Variants in TFDP2 observed in about 807,000 individuals in gnomAD.
TFDP2 encodes transcription factor Dp-2 (E2F dimerization partner 2).
In TFDP2, 17 loss-of-function variants were observed where a neutral mutation model predicts 59.3. That is an observed-to-expected ratio of 0.29 (90% CI 0.20 to 0.43). TFDP2 has a LOEUF of 0.43. Ranked by LOEUF, TFDP2 falls within the 20% of genes least tolerant of loss-of-function variation. The probability of loss-of-function intolerance (pLI) is 1.00; values close to 1 mark genes in which losing one functional copy is unlikely to be tolerated. For synonymous variants in TFDP2, 180 were observed against 194.7 expected (o/e 0.92, Z 0.63); for missense variants, 391 against 528.8 (o/e 0.74, Z 2.56).
At chr3:142,016,456 A>C (rs912830490) in intron 3 of TFDP2, among the ~76,000 whole-genome samples, 1 of 151,164 alleles carries the variant, frequency 6.6e-6, no homozygotes, top group Non-Finnish European at 1.5e-5. Context: ...CCACCAGCAC[A>C]CCTGGCTAAT....
At chr3:142,053,277 T>A (rs945239156) in intron 3 of TFDP2, among the ~76,000 whole-genome samples, 1 of 152,050 alleles carries the variant, frequency 6.6e-6, no homozygotes, top group African/African-American at 2.4e-5. Flanking sequence ...TGGGGGAGGA[T>A]CCCTCATGAA....
intron 6 of TFDP2, among the ~76,000 whole-genome samples, chr3:141,988,669 CTT>C (rs540352017): frequency 0.077 from 9,642 of 125,404 alleles, 254 homozygotes; most frequent in Middle Eastern, 0.12. Flanking sequence ...CTTTTCTTTT[CTT>C]TTTTTTTTTT....
chr3:141,959,673 C>G lies in TFDP2; in HGVS notation c.1051+1G>C. 2 of 1,613,816 alleles carry G rather than the reference C, an allele frequency of 1.2e-6. No homozygotes were observed. Among genetic ancestry groups the G allele is most frequent in the Non-Finnish European group, 1.7e-6 (2 of 1,179,822 alleles). On this transcript the variant is annotated splice_donor_variant, in intron 11 of 12. Transcript: ENST00000489671. LOFTEE classifies it high-confidence loss of function. The stretch of plus-strand genomic sequence containing the variant: ...ACACATGAAAGCATCAGTTAACATA[C>G]CTGTGATATAACCTTCTAAAGCCTT...
intron 1 of TFDP2, among the ~76,000 whole-genome samples, chr3:142,136,254 TTTC>T (rs776445272): frequency 8.5e-5 from 13 of 152,178 alleles, no homozygotes; most frequent in Non-Finnish European, 1.3e-4. Context: ...AGGATCTTTT[TTTC>T]TTCTTGTAAA....
At chr3:142,104,847 GA>G in intron 1 of TFDP2, among the ~76,000 whole-genome samples, 1 of 152,030 alleles carries the variant, frequency 6.6e-6, no homozygotes, top group East Asian at 1.9e-4. Flanking sequence ...TAATGAAATA[GA>G]AAAAAAATCA....
At chr3:142,143,896 G>A (rs1937627632) in intron 1 of TFDP2, among the ~76,000 whole-genome samples, 1 of 152,098 alleles carries the variant, frequency 6.6e-6, no homozygotes, top group South Asian at 2.1e-4. Context: ...CAATCCCACT[G>A]CTGGGTATAT....
At chr3:142,002,026 G>A (rs559404350) in intron 4 of TFDP2, among the ~76,000 whole-genome samples, 11 of 138,738 alleles carry the variant, frequency 7.9e-5, no homozygotes, top group South Asian at 2.2e-4. Context: ...ACAAAGTCTC[G>A]CTCTGTTGCC....
chr3:142,076,143 A>G (rs1215822944), intron 3 of TFDP2, among the ~76,000 whole-genome samples: 1 of 150,998 alleles, frequency 6.6e-6, no homozygotes, highest in Admixed American at 6.6e-5. Flanking sequence ...CCCAGGAGGC[A>G]GAGGTTGCAG....
chr3:142,070,472 T>C (rs1458734758), intron 3 of TFDP2, among the ~76,000 whole-genome samples: 1 of 152,112 alleles, frequency 6.6e-6, no homozygotes, highest in Non-Finnish European at 1.5e-5. Flanking sequence ...GTAGAGGCAA[T>C]GCCTCCCTGT....
intron 3 of TFDP2, among the ~76,000 whole-genome samples, chr3:142,046,841 CAG>C (rs1287881219): frequency 2.6e-5 from 4 of 152,000 alleles, no homozygotes; most frequent in African/African-American, 9.7e-5. Flanking sequence ...AAGCATAAGA[CAG>C]AAAATTAAGT....
Position 141,969,191 on chromosome 3 carries a change from G to GAT in TFDP2, c.732+880_732+881dup, listed in dbSNP as rs768670975. On this transcript the variant is annotated intron_variant, in intron 9 of 12. Coordinates refer to ENST00000489671, the MANE Select transcript of TFDP2 (RefSeq NM_001178139.2). ...ATATATATATATCTCATATATATGAGATATATATATATAACATATATATAT... is the reference window on the plus strand; with the variant it reads ...ATATATATATATCTCATATATATGAGATATATATATATATAACATATATATAT... Among the ~76,000 whole-genome samples the GAT allele has an allele frequency of 2.1e-3, 159 of 74,648 alleles. 14 individuals carry two copies. Among genetic ancestry groups the GAT allele is most frequent in the African/African-American group, 3.5e-3 (54 of 15,306 alleles). The allele number at this position is 74,648 out of a possible 152,430, so 49.0% of individuals were successfully genotyped here. A position where few individuals can be genotyped will look rare whatever the true frequency, so the allele number is the denominator to read the frequency against.
chr3:142,044,954 A>G (rs1256268434), intron 3 of TFDP2, among the ~76,000 whole-genome samples: 2 of 152,282 alleles, frequency 1.3e-5, no homozygotes, highest in Admixed American at 1.3e-4. Context: ...TATTATTATT[A>G]TAATTGCTGA....
intron 3 of TFDP2, among the ~76,000 whole-genome samples, chr3:142,053,259 T>C (rs1912719): frequency 0.5 from 75,707 of 151,872 alleles, 20,548 homozygotes; most frequent in South Asian, 0.75. Flanking sequence ...ATGGGGGTGT[T>C]TGGGTCATGG....
intron 3 of TFDP2, among the ~76,000 whole-genome samples, chr3:142,082,504 C>T (rs1166443618): frequency 6.6e-6 from 1 of 152,064 alleles, no homozygotes; most frequent in Non-Finnish European, 1.5e-5. Flanking sequence ...GAGATGAATA[C>T]TTCCAAATTC....
intron 3 of TFDP2, among the ~76,000 whole-genome samples, chr3:142,024,912 C>T (rs1284295986): frequency 6.6e-6 from 1 of 151,608 alleles, no homozygotes; most frequent in East Asian, 1.9e-4. Flanking sequence ...CTCAGCTACT[C>T]GGGAGGCTGA....
In TFDP2 at chr3:142,132,312, A is replaced by AT. The variant is rs1417215843; in HGVS notation, c.-93+16870dup. Among the ~76,000 whole-genome samples, 2 of 150,148 alleles carry AT rather than the reference A, an allele frequency of 1.3e-5. 1 individual carries two copies. The highest frequency in any genetic ancestry group is 5.0e-5 in the African/African-American group (2 of 39,632). On this transcript the variant is annotated intron_variant, in intron 1 of 12. Transcript: ENST00000489671. ...TTTCCAAGGCTGGGAAGAGAAGGGG[A>AT]TGGGAAGTAACTGCTAATGAGTATG... is the stretch of plus-strand genomic sequence containing the variant.
intron 8 of TFDP2, among the ~76,000 whole-genome samples, 164 bp from the exon 9 acceptor site, chr3:141,970,305 G>C (rs1939520138): frequency 6.6e-6 from 1 of 152,122 alleles, no homozygotes; most frequent in African/African-American, 2.4e-5. Flanking sequence ...GCAGGGGCTG[G>C]AGTGAACAAG....
At chr3:142,063,658 CAG>C (rs1183525342) in intron 3 of TFDP2, among the ~76,000 whole-genome samples, 1 of 152,154 alleles carries the variant, frequency 6.6e-6, no homozygotes, top group African/African-American at 2.4e-5. Flanking sequence ...AGCATAAAAA[CAG>C]AGGGTTGAAA....
At chr3:142,106,962 A>T (rs2061492110) in intron 1 of TFDP2, among the ~76,000 whole-genome samples, 1 of 152,222 alleles carries the variant, frequency 6.6e-6, no homozygotes, top group Non-Finnish European at 1.5e-5. Flanking sequence ...GGATGTGTAG[A>T]CTTTCTAACA....
Sources: allele counts gnomAD v4.1 joint callset (sites outside exome capture counted in the v4.1 genomes callset), GRCh38; gene constraint gnomAD v4.1.1; transcripts MANE v1.5; gene names NCBI Gene and HGNC (gene_info 2026-07-23, HGNC 2026-07-21).